Variants in KLHL21 observed in about 807,000 individuals in gnomAD.
KLHL21 encodes kelch-like protein 21.
A neutral mutation model predicts 44.1 loss-of-function variants in KLHL21; 42 were observed. That is an observed-to-expected ratio of 0.95 (90% CI 0.74 to 1.23). The LOEUF is 1.23. Ranked by LOEUF, KLHL21 falls within the 50% of genes most tolerant of loss-of-function variation. The pLI, the probability that KLHL21 is intolerant of heterozygous loss-of-function variation, is 0.00. For synonymous variants in KLHL21, 524 were observed against 411.6 expected, an observed-to-expected ratio of 1.27 and a Z score of -3.31; for missense variants, 918 against 889.1, an observed-to-expected ratio of 1.03 and a Z score of -0.41.
chr1:6,602,092 C>T lies in KLHL21; in HGVS notation c.726G>A (p.Pro242=). The T allele has an allele frequency of 6.7e-7, 1 of 1,481,970 alleles. No homozygotes were observed. The highest frequency in any genetic ancestry group is 2.7e-5 in the East Asian group (1 of 36,844). 91.8% of individuals were successfully genotyped at this position (1,481,970 alleles called of 1,614,324 possible). The part of the protein sequence containing the change: ...FYLLAHVEAE[P]LVARCPPCLR... ...GGCAGGGTGGGCAGCGCGCCACCAG[C>T]GGCTCGGCCTCGACGTGCGCCAACA... Residue 242 remains proline, a synonymous_variant, in exon 1 of 4, where the codon CCG becomes CCA. Transcript: ENST00000377658.
At position 6,602,607 on chromosome 1, in the gene KLHL21, C is replaced by T; in HGVS notation, c.211G>A (p.Glu71Lys). 3 of 1,524,152 alleles carry T rather than the reference C, an allele frequency of 2.0e-6. No homozygotes were observed. The highest frequency in any genetic ancestry group is 2.6e-6 in the Non-Finnish European group (3 of 1,140,848). 94.4% of individuals were successfully genotyped at this position (1,524,152 alleles called of 1,614,324 possible). ...AGGCGCACCCGCTCGGCGCGGCTCT[C>T]GCGCAGCTGCCCCGCGAACATGGCG... ...FRAMFAGQLR[E>K]SRAERVRLHG... is the part of the protein sequence containing the mutation. Residue 71 changes from glutamate to lysine, a missense_variant, in exon 1 of 4, where the codon GAG becomes AAG. By Grantham distance (56) the Glu-to-Lys change is moderately conservative. Transcript: ENST00000377658.
chr1:6,593,127 A>G lies in KLHL21; in HGVS notation c.*238T>C, dbSNP rs1406009364. The G allele has an allele frequency of 1.9e-6, 1 of 525,390 alleles. No individual in the cohort carries two copies. The highest frequency in any genetic ancestry group is 3.4e-6 in the Non-Finnish European group (1 of 294,998). The allele number at this position is 525,390 out of a possible 1,614,324, so 32.5% of individuals were successfully genotyped here. A position where few individuals can be genotyped will look rare whatever the true frequency, so the allele number is the denominator to read the frequency against. ...GGGGTGACCTCCAAGACCCAGAAAC[A>G]TGTGCTGGCAGGAAAGTGGCTCTTC... On this transcript the variant is annotated 3_prime_UTR_variant, in exon 4 of 4. Transcript: ENST00000377658.
chr1:6,602,628 T>C lies in KLHL21; in HGVS notation c.190A>G (p.Met64Val), dbSNP rs1182338770. The change falls in exon 1 of 4, where the codon ATG becomes GTG. Residue 64 changes from methionine to valine, a missense_variant. Physicochemically the swap from Met to Val is conservative, Grantham distance 21. Transcript: ENST00000377658. ...CTCTCGCGCAGCTGCCCCGCGAACA[T>C]GGCGCGGAAGTAGGGGCTGGCGGCG... ...LAAASPYFRA[M>V]FAGQLRESRA... is the part of the protein sequence containing the mutation. The C allele has an allele frequency of 1.3e-6, 2 of 1,519,410 alleles. No homozygotes were observed. Among genetic ancestry groups the C allele is most frequent in the Non-Finnish European group, 1.8e-6 (2 of 1,139,574 alleles). The allele number at this position is 1,519,410 out of a possible 1,614,324, so 94.1% of individuals were successfully genotyped here.
rs894569747 is a variant in KLHL21 at position 6,593,039 on chromosome 1, A to T, written c.*326T>A. ...GTCCTCTCCCAAGGTGGGAACAAGTAGGTGCAGATGACAACGGCAGGAGGG... is the reference window on the plus strand; with the variant it reads ...GTCCTCTCCCAAGGTGGGAACAAGTTGGTGCAGATGACAACGGCAGGAGGG... On this transcript the variant is annotated 3_prime_UTR_variant, in exon 4 of 4. Transcript: ENST00000377658. 3.1e-6 allele frequency: 1 copy of T among 319,724 alleles called. No individual in the cohort carries two copies. Among genetic ancestry groups the T allele is most frequent in the Admixed American group, 4.4e-5 (1 of 22,630 alleles). The allele number at this position is 319,724 out of a possible 1,614,324, so 19.8% of individuals were successfully genotyped here. A position where few individuals can be genotyped will look rare whatever the true frequency, so the allele number is the denominator to read the frequency against.
rs1051130904 is a variant in KLHL21 at position 6,594,026 on chromosome 1, G to C, written c.1501-368C>G. On this transcript the variant is annotated intron_variant, in intron 3 of 3. Coordinates refer to ENST00000377658, the MANE Select transcript of KLHL21 (RefSeq NM_014851.4). ...TGGGAAAACTGAGGCTTGCATGGCT[G>C]ACAGTGGCAGAGCTGGGCTCTGAAC... The C allele has an allele frequency of 4.8e-6, 5 of 1,047,468 alleles. No homozygotes were observed. The East Asian group carries it at 3.7e-4, about 78-fold the overall frequency. 64.9% of individuals were successfully genotyped at this position (1,047,468 alleles called of 1,614,324 possible). A position where few individuals can be genotyped will look rare whatever the true frequency, so the allele number is the denominator to read the frequency against.
At position 6,593,662 on chromosome 1, in the gene KLHL21, T is replaced by A. The variant is rs762952144; in HGVS notation, c.1501-4A>T. 2 of 1,566,120 alleles carry A rather than the reference T, an allele frequency of 1.3e-6. No homozygotes were observed. On this transcript the variant is annotated splice_polypyrimidine_tract_variant and splice_region_variant and intron_variant, in intron 3 of 3. Transcript: ENST00000377658. Reference sequence around the variant, plus strand: ...CCAGGCTGCCCCCCACATGTACCTGTGGGCCAAAGGGATGAGTGAGTGGAG... The same window carrying A: ...CCAGGCTGCCCCCCACATGTACCTGAGGGCCAAAGGGATGAGTGAGTGGAG...
Position 6,595,485 on chromosome 1 carries a change from C to G in KLHL21, c.1500G>C (p.Gln500His), listed in dbSNP as rs376312819. The G allele has an allele frequency of 2.5e-6, 4 of 1,614,120 alleles. No individual in the cohort carries two copies. The highest frequency in any genetic ancestry group is 3.4e-6 in the Non-Finnish European group (4 of 1,180,002). Reference sequence around the variant, plus strand: ...AATGCTGGCCCGCCTGAAAATTTACCTGATTCATGGACGGGATCTTGTCCC... The same window carrying G: ...AATGCTGGCCCGCCTGAAAATTTACGTGATTCATGGACGGGATCTTGTCCC... ...NEWDKIPSMN[Q>H]VHVGGSLAVL... Residue 500 changes from glutamine to histidine, a missense_variant and splice_region_variant, in exon 3 of 4, where the codon CAG becomes CAC. Transcript: ENST00000377658.
At chr1:6,597,066 C>G (rs546675290) in intron 2 of KLHL21, among the ~76,000 whole-genome samples, 6 of 152,388 alleles carry the variant, frequency 3.9e-5, no homozygotes, top group African/African-American at 1.4e-4. Context: ...CTCTTTAGGG[C>G]TCAAGCAGCT....
At chr1:6,594,820 G>A (rs1640901600) in intron 3 of KLHL21, 1 of 152,530 alleles carries the variant, frequency 6.6e-6, no homozygotes, top group Non-Finnish European at 1.5e-5. Context: ...CTTGAGGCCA[G>A]GAGTGTGAGA....
rs369376385 is a variant in KLHL21, at chr1:6,600,501, C to T, written c.1022-1049G>A. On this transcript the variant is annotated intron_variant, in intron 1 of 3. Transcript: ENST00000377658. ...CCCAGGCTGGCGCCACAGGACAGAG[C>T]GGACAAGACATTCTGTTTCACAGCC... 6.4e-4 allele frequency among the ~76,000 whole-genome samples: 98 copies of T among 152,342 alleles called. 1 individual carries two copies. In the South Asian group the frequency reaches 9.1e-3, roughly 14 times the overall value.
At position 6,602,837 on chromosome 1, in the gene KLHL21, C is replaced by A. The variant is rs1306335106; in HGVS notation, c.-20G>T. On this transcript the variant is annotated 5_prime_UTR_variant, in exon 1 of 4. Transcript: ENST00000377658. Reference sequence around the variant, plus strand: ...CTCCATGGCGCCTTCGATAGGTTGTCGAGGACGCCGCGGCCGGGGCCTGCG... The same window carrying A: ...CTCCATGGCGCCTTCGATAGGTTGTAGAGGACGCCGCGGCCGGGGCCTGCG... 12 of 1,403,930 alleles carry A rather than the reference C, an allele frequency of 8.5e-6. No individual in the cohort carries two copies. Among genetic ancestry groups the A allele is most frequent in the South Asian group, 1.5e-5 (1 of 65,982 alleles). 87.0% of individuals were successfully genotyped at this position (1,403,930 alleles called of 1,614,324 possible).
chr1:6,593,800 C>T lies in KLHL21; in HGVS notation c.1501-142G>A, dbSNP rs1640888028. On this transcript the variant is annotated intron_variant, in intron 3 of 3. Coordinates refer to ENST00000377658, the MANE Select transcript of KLHL21 (RefSeq NM_014851.4). ...GCTCTCCCAGAAAGCAGCAGAGAGG[C>T]CAACCCCTTTCCAACACCCTGCCTA... 3 of 1,386,704 alleles carry T rather than the reference C, an allele frequency of 2.2e-6. No individual in the cohort carries two copies. In the African/African-American group the frequency reaches 4.3e-5, roughly 20 times the overall value. The allele number at this position is 1,386,704 out of a possible 1,614,324, so 85.9% of individuals were successfully genotyped here.
In KLHL21 at chr1:6,602,702, A is replaced by C; in HGVS notation, c.116T>G (p.Leu39Arg). 3 of 1,513,774 alleles carry C rather than the reference A, an allele frequency of 2.0e-6. No homozygotes were observed. The highest frequency in any genetic ancestry group is 2.6e-6 in the Non-Finnish European group (3 of 1,138,574). The allele number at this position is 1,513,774 out of a possible 1,614,324, so 93.8% of individuals were successfully genotyped here. ...RAERKFLDVT[L>R]EAAGGRDFPA... ...GAAGTCGCGCCCGCCCGCCGCCTCC[A>C]GGGTCACGTCCAGGAACTTGCGCTC... The change falls in exon 1 of 4, where the codon CTG (leucine) becomes CGG (arginine). Residue 39 changes from leucine to arginine, a missense_variant. Physicochemically the swap from Leu to Arg is moderately radical, Grantham distance 102 (BLOSUM62 -2). Coordinates refer to ENST00000377658, the MANE Select transcript of KLHL21 (RefSeq NM_014851.4).
chr1:6,598,135 C>G (rs1250887685), intron 2 of KLHL21, among the ~76,000 whole-genome samples: 1 of 152,208 alleles, frequency 6.6e-6, no homozygotes, highest in Non-Finnish European at 1.5e-5. Context: ...CTGTGGGCTC[C>G]GAAAGACCAG....
At chr1:6,598,608 T>C (rs375570423) in intron 2 of KLHL21, among the ~76,000 whole-genome samples, 5 of 149,136 alleles carry the variant, frequency 3.4e-5, no homozygotes, top group Non-Finnish European at 7.4e-5. Flanking sequence ...ACAGACCGGG[T>C]GCAGTGGCTC....
rs200232322 is a variant in KLHL21 at position 6,593,397 on chromosome 1, G to A, written c.1762C>T (p.Arg588Trp). The change falls in exon 4 of 4, where the codon CGG (arginine) becomes TGG (tryptophan). Residue 588 changes from arginine (R) to tryptophan (W), a missense_variant. Arg to Trp is a moderately radical substitution (Grantham distance 101). Coordinates refer to ENST00000377658, the MANE Select transcript of KLHL21 (RefSeq NM_014851.4). ...AGCTCATCGGGGTCCCGCGGCGGCC[G>A]GGGTCGGCCTGGGTCCATGTCATCG... ...GSDDMDPGRP[R>W]PPRDPDELH 387 of 1,604,518 alleles carry A rather than the reference G, an allele frequency of 2.4e-4. 4 individuals are homozygous for A. The South Asian group carries it at 2.5e-3, about 10-fold the overall frequency.
chr1:6,595,183 G>C, intron 3 of KLHL21: 1 of 573,660 alleles, frequency 1.7e-6, no homozygotes, highest in Non-Finnish European at 3.1e-6. Context: ...TCCCTCTCTG[G>C]AACAGGTGTC....
rs114567858 is a variant in KLHL21 at position 6,596,689 on chromosome 1, A to G, written c.1428-1132T>C. 2.3e-3 allele frequency among the ~76,000 whole-genome samples: 353 copies of G among 152,302 alleles called. 1 individual carries two copies. Among genetic ancestry groups the G allele is most frequent in the Non-Finnish European group, 4.2e-3 (289 of 68,028 alleles). ...TGTGGTGGTGGTGATGATGATGATG[A>G]TTACACCCTGGAACCTGCTAGGCTG... On this transcript the variant is annotated intron_variant, in intron 2 of 3. Transcript: ENST00000377658.
At chr1:6,594,348 G>C (rs1362974498) in intron 3 of KLHL21, 2 of 152,424 alleles carry the variant, frequency 1.3e-5, no homozygotes, top group Non-Finnish European at 2.9e-5. Context: ...AACAAGCCCA[G>C]AGAGAAGGGG....
Sources: gnomAD v4.1 joint callset for allele counts (sites outside exome capture counted in the v4.1 genomes callset) on GRCh38, gnomAD v4.1.1 for gene constraint, MANE v1.5 for transcripts, NCBI Gene and HGNC (gene_info 2026-07-23, HGNC 2026-07-21) for gene names.